CARD19: variants seen among roughly 807,000 people sequenced by gnomAD.
The protein encoded by CARD19 is caspase recruitment domain family member 19, also known as caspase recruitment domain-containing protein 19.
A neutral mutation model predicts 24.1 loss-of-function variants in CARD19; 25 were observed. The ratio of observed to expected loss-of-function variants is 1.04; its 90% CI spans 0.76 to 1.45. The LOEUF is 1.45. CARD19 is among the 40% of genes most tolerant of loss of function. CARD19 has a pLI of 0.00. For missense variants in CARD19, 241 were observed against 247.4 expected (o/e 0.97, Z 0.17); for synonymous variants, 103 against 104.9 (o/e 0.98, Z 0.11).
At chr9:93,101,448 T>C (rs961958812) in intron 1 of CARD19, among the ~76,000 whole-genome samples, 2 of 150,404 alleles carry the variant, frequency 1.3e-5, no homozygotes, top group Non-Finnish European at 3.0e-5. Context: ...GGTAATTCTT[T>C]TTTTTTTTTT....
In CARD19 at chr9:93,096,908, G is replaced by A. The variant is rs996883786; in HGVS notation, c.7+556G>A. Reference sequence around the variant, plus strand: ...CCAGACTCCTTCGGTGGTCCACGACGCTCTTGCCCCTGTTTAGTTCTAAGA... The same window carrying A: ...CCAGACTCCTTCGGTGGTCCACGACACTCTTGCCCCTGTTTAGTTCTAAGA... On this transcript the variant is annotated intron_variant, in intron 1 of 5. Transcript: ENST00000375464. The surrounding 1 kb of genome is among the most constrained non-coding windows in gnomAD (Gnocchi z 5.4). 1.3e-5 allele frequency among the ~76,000 whole-genome samples: 2 copies of A among 152,134 alleles called. No homozygotes were observed. The highest frequency in any genetic ancestry group is 2.9e-5 in the Non-Finnish European group (2 of 68,016).
intron 1 of CARD19, among the ~76,000 whole-genome samples, chr9:93,103,227 C>G (rs1827146932): frequency 6.6e-6 from 1 of 152,160 alleles, no homozygotes; most frequent in Non-Finnish European, 1.5e-5. Flanking sequence ...AGCTTTCGGT[C>G]TTTCACCGTT....
chr9:93,108,263 G>C (rs1162158542), intron 2 of CARD19, among the ~76,000 whole-genome samples: 3 of 152,146 alleles, frequency 2.0e-5, no homozygotes, highest in African/African-American at 7.2e-5. Flanking sequence ...AGTGCCACAG[G>C]GCTTTGCACT....
intron 2 of CARD19, among the ~76,000 whole-genome samples, chr9:93,108,616 A>G (rs985366023): frequency 6.6e-6 from 1 of 152,202 alleles, no homozygotes; most frequent in African/African-American, 2.4e-5. Context: ...AGCCACGCTC[A>G]TCACCCCATC....
intron 1 of CARD19, among the ~76,000 whole-genome samples, chr9:93,103,533 C>T (rs150319007): frequency 3.3e-5 from 5 of 152,076 alleles, no homozygotes; most frequent in Non-Finnish European, 5.9e-5. Context: ...TATTTTATAT[C>T]TGCTGTTGAT....
Position 93,096,470 on chromosome 9 carries a change from GT to G in CARD19, c.7+119del. The stretch of plus-strand genomic sequence containing the variant: ...GCCGCGCCTGGGCAGCGGGGGCCGA[GT>G]GACCTTGGCCCGTCAGCTGTCGGTG... On this transcript the variant is annotated intron_variant, in intron 1 of 5. Transcript: ENST00000375464. This position sits in a 1 kb window ranked among gnomAD's most constrained non-coding sequence, Gnocchi z 5.4. 6.1e-6 allele frequency: 6 copies of G among 987,942 alleles called. No homozygotes were observed. Among genetic ancestry groups the G allele is most frequent in the Non-Finnish European group, 6.5e-6 (5 of 769,094 alleles). 61.2% of individuals were successfully genotyped at this position (987,942 alleles called of 1,614,324 possible). A position where few individuals can be genotyped will look rare whatever the true frequency, so the allele number is the denominator to read the frequency against.
intron 1 of CARD19, among the ~76,000 whole-genome samples, chr9:93,106,097 ATAGTC>A (rs1364026758): frequency 6.6e-6 from 1 of 152,092 alleles, no homozygotes; most frequent in Admixed American, 6.5e-5. Flanking sequence ...TTTTTGACTT[ATAGTC>A]TATTTTGTCT....
chr9:93,105,777 A>C (rs12348371), intron 1 of CARD19, among the ~76,000 whole-genome samples: 2,009 of 152,262 alleles, frequency 0.013, 42 homozygotes, highest in African/African-American at 0.046. Context: ...TGATAAAAAT[A>C]TCTCTTCTTT....
intron 1 of CARD19, among the ~76,000 whole-genome samples, chr9:93,102,462 T>C (rs1381793724): frequency 1.3e-5 from 2 of 152,266 alleles, no homozygotes; most frequent in Non-Finnish European, 2.9e-5. Flanking sequence ...CTTCCATTTA[T>C]GTGAACTGTT....
At chr9:93,110,886 C>G in intron 3 of CARD19, 165 bp downstream of exon 3, 2 of 1,533,404 alleles carry the variant, frequency 1.3e-6, no homozygotes, top group Non-Finnish European at 8.7e-7. Flanking sequence ...ACCCTCTGGC[C>G]CCGAGGGGAG....
In CARD19 at chr9:93,110,670, TATATCC is replaced by T; in HGVS notation, c.256_261del (p.Ile86_His87del). The T allele has an allele frequency of 6.2e-7, 1 of 1,613,544 alleles. No individual in the cohort carries two copies. On this transcript the variant is annotated inframe_deletion, in exon 3 of 6. Coordinates refer to ENST00000375464, the MANE Select transcript of CARD19 (RefSeq NM_032310.5). ...CTGCCAGGAGTTCTACCGAGCCCTG[TATATCC>T]ATGCCCAGCCCCTGCACAGCCGCCT...
At chr9:93,106,975 A>G (rs1262473369) in intron 1 of CARD19, among the ~76,000 whole-genome samples, 2 of 151,952 alleles carry the variant, frequency 1.3e-5, no homozygotes, top group East Asian at 1.9e-4. Context: ...AGGTGGTAAA[A>G]TGATATTTTA....
At chr9:93,103,274 A>G (rs1827147984) in intron 1 of CARD19, among the ~76,000 whole-genome samples, 1 of 152,232 alleles carries the variant, frequency 6.6e-6, no homozygotes, top group Admixed American at 6.5e-5. Context: ...TCATATAAAA[A>G]TGTCCTTCAA....
intron 1 of CARD19, among the ~76,000 whole-genome samples, chr9:93,105,867 A>G (rs1240959774): frequency 6.6e-6 from 1 of 152,088 alleles, no homozygotes; most frequent in Non-Finnish European, 1.5e-5. Context: ...TTCCTCATTT[A>G]TCTTCTGTCT....
At chr9:93,112,324 GC>G in intron 5 of CARD19, 35 bp downstream of exon 5, 1 of 1,530,776 alleles carries the variant, frequency 6.5e-7, no homozygotes, top group Non-Finnish European at 8.8e-7. Context: ...GGCTGGGCCT[GC>G]CTCCCCTCTG....
chr9:93,111,975 CT>C, intron 4 of CARD19, 37 bp downstream of exon 4: 1 of 1,588,242 alleles, frequency 6.3e-7, no homozygotes, highest in Non-Finnish European at 8.6e-7. Context: ...CTCTCTCCCT[CT>C]CTCTCCCTCT....
Position 93,113,027 on chromosome 9 carries a change from G to T in CARD19, c.472G>T (p.Gly158Cys), listed in dbSNP as rs751585995. The part of the protein sequence containing the change: ...KGLPGTRRVL[G>C]FSPVIIDRHV... ...CCTGCCAGGGACCCGGCGCGTCCTCGGTTTCTCGCCTGTCATCATCGACAG... is the reference window on the plus strand; with the variant it reads ...CCTGCCAGGGACCCGGCGCGTCCTCTGTTTCTCGCCTGTCATCATCGACAG... The change falls in exon 6 of 6, where the codon GGT (glycine) becomes TGT (cysteine). Residue 158 changes from glycine (G) to cysteine (C), a missense_variant. Coordinates refer to ENST00000375464, the MANE Select transcript of CARD19 (RefSeq NM_032310.5). The T allele has an allele frequency of 6.2e-7, 1 of 1,609,476 alleles. No individual in the cohort carries two copies. The highest frequency in any genetic ancestry group is 8.5e-7 in the Non-Finnish European group (1 of 1,177,908).
chr9:93,098,235 T>C (rs1185342929), intron 1 of CARD19, among the ~76,000 whole-genome samples: 1 of 152,070 alleles, frequency 6.6e-6, no homozygotes, highest in South Asian at 2.1e-4. Flanking sequence ...CTCCAGTTGG[T>C]TGGGGATGAC....
intron 1 of CARD19, among the ~76,000 whole-genome samples, chr9:93,100,272 G>C (rs1051894602): frequency 6.6e-6 from 1 of 152,200 alleles, no homozygotes; most frequent in African/African-American, 2.4e-5. Flanking sequence ...CCCAAGAGGG[G>C]GCCCCACTGT....
Sources: gnomAD v4.1 joint callset for allele counts (sites outside exome capture counted in the v4.1 genomes callset) on GRCh38, gnomAD v4.1.1 for gene constraint, Gnocchi (gnomAD v3.1) non-coding constraint, MANE v1.5 for transcripts, NCBI Gene and HGNC (gene_info 2026-07-23, HGNC 2026-07-21) for gene names.